The following MBP variants were observed in gnomAD, a reference collection of about 807,000 sequenced individuals.
MBP encodes the protein myelin basic protein.
In MBP, 16 loss-of-function variants were observed where a neutral mutation model predicts 35.8. That is an observed-to-expected ratio of 0.45 (90% CI 0.30 to 0.68). MBP has a LOEUF of 0.68. Among genes scored for constraint, MBP ranks in the 30% least tolerant of loss-of-function variants. The probability of loss-of-function intolerance (pLI) is 0.08; values close to 1 mark genes in which losing one functional copy is unlikely to be tolerated. For synonymous variants in MBP, 143 were observed against 159.6 expected, an observed-to-expected ratio of 0.90 and a Z score of 0.78; for missense variants, 380 against 404.7, an observed-to-expected ratio of 0.94 and a Z score of 0.52.
intron 3 of MBP, 176 bp downstream of exon 3, chr18:77,066,122 T>C (rs1018310515): frequency 3.3e-6 from 2 of 614,174 alleles, no homozygotes; most frequent in South Asian, 4.2e-5. Flanking sequence ...ATAGACCCCA[T>C]GAAGTGTGCG....
rs147598917 is a variant in MBP, at chr18:77,062,705, G to A, written c.139+3593C>T. ...GGAGGAAGGCTGCGTGGTTTTAGTTGTCTGTTTGTGGTTTTGAGCACTCAA... is the reference window on the plus strand; with the variant it reads ...GGAGGAAGGCTGCGTGGTTTTAGTTATCTGTTTGTGGTTTTGAGCACTCAA... On this transcript the variant is annotated intron_variant, in intron 3 of 8. Transcript: ENST00000355994. Among the ~76,000 whole-genome samples the A allele has an allele frequency of 6.5e-3, 991 of 152,288 alleles. 5 individuals are homozygous for A. Among genetic ancestry groups the A allele is most frequent in the Middle Eastern group, 0.02 (6 of 294 alleles).
At chr18:77,125,591 A>G (rs1255999674) in intron 1 of MBP, among the ~76,000 whole-genome samples, 1 of 152,162 alleles carries the variant, frequency 6.6e-6, no homozygotes, top group Non-Finnish European at 1.5e-5. Flanking sequence ...ATAATACTAT[A>G]TATATTCATT....
At chr18:77,011,629 G>T (rs549470388) in intron 4 of MBP, among the ~76,000 whole-genome samples, 21 of 152,342 alleles carry the variant, frequency 1.4e-4, no homozygotes, top group African/African-American at 5.0e-4. Context: ...GAGGACAAAT[G>T]CAAGGGCCAG....
intron 2 of MBP, among the ~76,000 whole-genome samples, chr18:77,074,437 C>T (rs571614061): frequency 3.3e-5 from 5 of 152,138 alleles, no homozygotes; most frequent in Non-Finnish European, 7.4e-5. Flanking sequence ...GGGTTGAGGT[C>T]ATATGTATCA....
chr18:77,095,776 G>T (rs1332805447), intron 2 of MBP, among the ~76,000 whole-genome samples: 1 of 152,208 alleles, frequency 6.6e-6, no homozygotes, highest in Non-Finnish European at 1.5e-5. Context: ...TCTGGGCAGG[G>T]GAATGTCTGG....
chr18:77,018,942 GTTCATCCATCCATCTATCCA>G (rs1971845936), intron 3 of MBP, among the ~76,000 whole-genome samples: 1 of 93,286 alleles, frequency 1.1e-5, no homozygotes, highest in Non-Finnish European at 2.1e-5. Context: ...TTACCTACCT[GTTCATCCATCCATCTATCCA>G]TTCATCCATC....
chr18:76,999,204 T>C (rs145994811), intron 4 of MBP, among the ~76,000 whole-genome samples: 1 of 151,108 alleles, frequency 6.6e-6, no homozygotes, highest in Non-Finnish European at 1.5e-5. Flanking sequence ...ACTTAGGGGG[T>C]GAAGGTGAAC....
At chr18:77,073,946 T>C (rs1307336548) in intron 2 of MBP, among the ~76,000 whole-genome samples, 3 of 147,542 alleles carry the variant, frequency 2.0e-5, no homozygotes, top group African/African-American at 4.9e-5. Context: ...CGAAATGAGA[T>C]AGACTTTCAC....
intron 1 of MBP, among the ~76,000 whole-genome samples, chr18:77,120,066 A>G (rs1344290043): frequency 2.6e-5 from 4 of 152,144 alleles, no homozygotes; most frequent in African/African-American, 9.7e-5. Flanking sequence ...AGGACCTGCA[A>G]TTTAGGAAGA....
chr18:77,111,950 CTT>C (rs1239473095), intron 1 of MBP, among the ~76,000 whole-genome samples: 2 of 152,196 alleles, frequency 1.3e-5, no homozygotes, highest in Non-Finnish European at 2.9e-5. Context: ...CGGGACTTCT[CTT>C]CTTTCACTAT....
intron 2 of MBP, among the ~76,000 whole-genome samples, chr18:77,084,655 G>A (rs569025055): frequency 1.8e-4 from 28 of 152,270 alleles, no homozygotes; most frequent in African/African-American, 5.8e-4. Context: ...CATGGCACAT[G>A]TATTCCCATT....
chr18:77,114,343 T>C (rs1193203503), intron 1 of MBP: 1 of 152,230 alleles, frequency 6.6e-6, no homozygotes, highest in African/African-American at 2.4e-5. Flanking sequence ...AAAGCCATTA[T>C]CAGAATCAAG....
chr18:77,104,415 C>T (rs547745213), intron 2 of MBP, among the ~76,000 whole-genome samples: 10 of 152,234 alleles, frequency 6.6e-5, no homozygotes, highest in South Asian at 4.1e-4. Flanking sequence ...GCCAAGTAGC[C>T]GCACGCAGGA....
intron 4 of MBP, among the ~76,000 whole-genome samples, chr18:76,991,877 G>A (rs2123165947): frequency 6.6e-6 from 1 of 152,304 alleles, no homozygotes; most frequent in Middle Eastern, 3.4e-3. Context: ...AGACAGTTTT[G>A]CCACCAAAGG....
At position 77,061,395 on chromosome 18, in the gene MBP, T is replaced by C. The variant is rs570654189; in HGVS notation, c.139+4903A>G. ...TCTGAAAATACTAGCCAATGTTTAC[T>C]GAGTACTGTGAGGAGATGGGAGAGT... is the stretch of plus-strand genomic sequence containing the variant. On this transcript the variant is annotated intron_variant, in intron 3 of 8. Coordinates refer to ENST00000355994, the MANE Select transcript of MBP (RefSeq NM_001025101.2). 2.6e-5 allele frequency among the ~76,000 whole-genome samples: 4 copies of C among 152,378 alleles called. No individual in the cohort carries two copies. In the East Asian group the frequency reaches 7.7e-4, roughly 29 times the overall value.
chr18:77,052,282 G>A (rs907393943), intron 3 of MBP, among the ~76,000 whole-genome samples: 2 of 152,184 alleles, frequency 1.3e-5, no homozygotes, highest in Admixed American at 1.3e-4. Flanking sequence ...CTTTCAAATT[G>A]GGGATCCAAG....
At chr18:77,079,935 T>C (rs1170815072) in intron 2 of MBP, among the ~76,000 whole-genome samples, 2 of 152,192 alleles carry the variant, frequency 1.3e-5, no homozygotes, top group African/African-American at 4.8e-5. Context: ...GATTGAACGG[T>C]TCTTCACCAA....
In MBP at chr18:77,072,155, G is replaced by A. The variant is rs143131650; in HGVS notation, c.52-5770C>T. Among the ~76,000 whole-genome samples, 758 of 152,134 alleles carry A rather than the reference G, an allele frequency of 5.0e-3. 5 individuals are homozygous for A. Among genetic ancestry groups the A allele is most frequent in the African/African-American group, 0.017 (704 of 41,484 alleles). ...ATCCTGCCGGCGTACACACCCCTCC[G>A]CCTCCCCTCCCCTCCTGCCTCATAA... On this transcript the variant is annotated intron_variant, in intron 2 of 8. Transcript: ENST00000355994.
intron 4 of MBP, among the ~76,000 whole-genome samples, chr18:77,007,316 G>C (rs557661956): frequency 2.6e-5 from 4 of 152,314 alleles, no homozygotes; most frequent in African/African-American, 9.6e-5. Flanking sequence ...GAAGCTCCTC[G>C]CTTATTCTTC....
Sources: allele counts gnomAD v4.1 joint callset (sites outside exome capture counted in the v4.1 genomes callset), GRCh38; gene constraint gnomAD v4.1.1; transcripts MANE v1.5; gene names NCBI Gene and HGNC (gene_info 2026-07-23, HGNC 2026-07-21).